The following CHODL variants were observed in gnomAD, a reference collection of about 807,000 sequenced individuals.
CHODL encodes the protein chondrolectin.
A neutral mutation model predicts 34.5 loss-of-function variants in CHODL; 29 were observed. That is an observed-to-expected ratio of 0.84 (90% CI 0.63 to 1.15). The LOEUF is 1.15. Ranked by LOEUF, CHODL falls within the 50% of genes most tolerant of loss-of-function variation. The pLI, the probability that CHODL is intolerant of heterozygous loss-of-function variation, is 0.00. For missense variants in CHODL, 332 were observed against 332.5 expected (o/e 1.00, Z 0.01); for synonymous variants, 125 against 116.1 (o/e 1.08, Z -0.49).
rs565598117 is a variant in CHODL, at chr21:17,956,862, G to A, written c.-145+39462G>A. Among the ~76,000 whole-genome samples the A allele has an allele frequency of 3.4e-5, 5 of 146,340 alleles. No homozygotes were observed. In the East Asian group the frequency reaches 1.0e-3, roughly 30 times the overall value. On this transcript the variant is annotated intron_variant, in intron 1 of 6. Coordinates refer to the CHODL transcript ENST00000400127. The stretch of plus-strand genomic sequence containing the variant: ...ACATCCTTGTGAAGGTTAATTTTAT[G>A]TATAAGCTTGACTGGGCCACTAGAT...
intron 2 of CHODL, among the ~76,000 whole-genome samples, chr21:18,072,804 G>A (rs1278085052): frequency 6.6e-6 from 1 of 152,112 alleles, no homozygotes; most frequent in African/African-American, 2.4e-5. Context: ...TCACCTGAGG[G>A]TGGAGAACCT....
chr21:17,961,398 G>C (rs891473232), intron 1 of CHODL, among the ~76,000 whole-genome samples: 1 of 152,202 alleles, frequency 6.6e-6, no homozygotes, highest in Non-Finnish European at 1.5e-5. Context: ...ATCTCTGTTA[G>C]TAGGGACATC....
intron 2 of CHODL, among the ~76,000 whole-genome samples, chr21:18,174,133 A>ATATATATATATCTTGG (rs1555879175): frequency 0.016 from 283 of 17,546 alleles, 32 homozygotes; most frequent in Non-Finnish European, 0.06. Context: ...GTATATATAT[A>ATATATATATATCTTGG]TATATATATA....
chr21:18,265,899 T>C (rs1193767240), intron 5 of CHODL, 55 bp from the exon 6 acceptor site: 5 of 1,409,534 alleles, frequency 3.5e-6, no homozygotes, highest in Non-Finnish European at 4.9e-6. Context: ...GACGTAGACA[T>C]GCTTAGTTTA....
chr21:18,177,674 G>A (rs2073332714), intron 2 of CHODL, among the ~76,000 whole-genome samples: 1 of 152,068 alleles, frequency 6.6e-6, no homozygotes, highest in Non-Finnish European at 1.5e-5. Flanking sequence ...TAGTCAATGA[G>A]TTAGGTTTCT....
chr21:17,973,888 C>G (rs2063639778), intron 1 of CHODL, among the ~76,000 whole-genome samples: 1 of 151,602 alleles, frequency 6.6e-6, no homozygotes, highest in Admixed American at 6.6e-5. Context: ...TTCTCCTTCT[C>G]TTCCCCTTCC....
intron 2 of CHODL, among the ~76,000 whole-genome samples, chr21:18,188,921 A>G (rs188342515): frequency 6.6e-6 from 1 of 152,368 alleles, no homozygotes; most frequent in African/African-American, 2.4e-5. Context: ...GGCTACCAAG[A>G]CCAATAACGA....
At chr21:18,001,864 A>C (rs2063910178) in intron 1 of CHODL, among the ~76,000 whole-genome samples, 1 of 151,620 alleles carries the variant, frequency 6.6e-6, no homozygotes, top group African/African-American at 2.4e-5. Context: ...AAGTTAGTAA[A>C]TATAAAATAG....
At chr21:18,255,546 G>T (rs895049222) in intron 1 of CHODL, among the ~76,000 whole-genome samples, 3 of 152,136 alleles carry the variant, frequency 2.0e-5, no homozygotes, top group African/African-American at 4.8e-5. Context: ...GTCTTTGAAA[G>T]ACCAGTTTGG....
intron 1 of CHODL, among the ~76,000 whole-genome samples, chr21:18,004,919 A>G (rs771777613): frequency 6.6e-6 from 1 of 152,122 alleles, no homozygotes; most frequent in Non-Finnish European, 1.5e-5. Context: ...TGTTACCACT[A>G]TTGCCAATGA....
intron 1 of CHODL, among the ~76,000 whole-genome samples, chr21:17,968,209 T>C (rs2063587983): frequency 6.6e-6 from 1 of 152,226 alleles, no homozygotes; most frequent in South Asian, 2.1e-4. Flanking sequence ...TCATGCCAAC[T>C]ATCAGGAACC....
At chr21:18,227,513 A>G (rs2146749413) in intron 2 of CHODL, among the ~76,000 whole-genome samples, 1 of 152,270 alleles carries the variant, frequency 6.6e-6, no homozygotes, top group South Asian at 2.1e-4. Context: ...TATGAAGAAG[A>G]CAAACATGAT....
At chr21:18,040,801 C>T (rs1212043755) in intron 2 of CHODL, among the ~76,000 whole-genome samples, 1 of 150,922 alleles carries the variant, frequency 6.6e-6, no homozygotes, top group Non-Finnish European at 1.5e-5. Context: ...TTTGTCTACT[C>T]GCAGGTGGTA....
In CHODL at chr21:18,079,339, G is replaced by GTA. The variant is rs1285374492; in HGVS notation, c.-45+51377_-45+51378dup. Among the ~76,000 whole-genome samples the GTA allele has an allele frequency of 4.7e-5, 7 of 149,032 alleles. No homozygotes were observed. The South Asian group carries it at 8.4e-4, about 18-fold the overall frequency. Reference sequence around the variant, plus strand: ...ATGCCATAAAACACATGATTTTACGGTATATATATACCATAGAATATTATA... The same window carrying GTA: ...ATGCCATAAAACACATGATTTTACGGTATATATATATACCATAGAATATTATA... On this transcript the variant is annotated intron_variant, in intron 2 of 6. Coordinates refer to the CHODL transcript ENST00000400127.
chr21:18,159,885 A>G (rs760794069), intron 2 of CHODL, among the ~76,000 whole-genome samples: 3 of 152,194 alleles, frequency 2.0e-5, no homozygotes, highest in Non-Finnish European at 4.4e-5. Context: ...GACTGTGGGC[A>G]GCCTCTAGAA....
chr21:18,190,624 C>T (rs192476146), intron 2 of CHODL, among the ~76,000 whole-genome samples: 21 of 152,226 alleles, frequency 1.4e-4, no homozygotes, highest in Non-Finnish European at 2.5e-4. Flanking sequence ...TTGGTGAGAA[C>T]CCACTAATGG....
At chr21:18,215,233 C>T (rs1568940485) in intron 2 of CHODL, among the ~76,000 whole-genome samples, 1 of 151,840 alleles carries the variant, frequency 6.6e-6, no homozygotes, top group Non-Finnish European at 1.5e-5. Flanking sequence ...GAATCTCCTG[C>T]TTTGGGAACT....
intron 2 of CHODL, among the ~76,000 whole-genome samples, chr21:18,085,249 A>G (rs932965229): frequency 8.6e-5 from 13 of 152,008 alleles, no homozygotes; most frequent in Admixed American, 7.9e-4. Flanking sequence ...TCCAATCTGT[A>G]TCTTTTAAGT....
chr21:18,249,015 AT>A (rs200669259), intron 1 of CHODL, among the ~76,000 whole-genome samples: 9,256 of 115,920 alleles, frequency 0.08, 409 homozygotes, highest in Middle Eastern at 0.12. Flanking sequence ...TATAATATAT[AT>A]TATACATAAT....
Sources: allele counts gnomAD v4.1 joint callset (sites outside exome capture counted in the v4.1 genomes callset), GRCh38; gene constraint gnomAD v4.1.1; transcripts MANE v1.5; gene names NCBI Gene and HGNC (gene_info 2026-07-23, HGNC 2026-07-21).